UQCC2: variants seen among roughly 807,000 people sequenced by gnomAD.
UQCC2 encodes breast cancer-associated protein SGA-81M.
Under a neutral mutation model 19.9 loss-of-function variants are expected in UQCC2, and 21 were observed. The ratio of observed to expected loss-of-function variants is 1.05; its 90% confidence interval spans 0.75 to 1.52. The LOEUF is 1.52. Ranked by LOEUF, UQCC2 falls within the 40% of genes most tolerant of loss-of-function variation. The pLI is 0.00. For missense variants in UQCC2, 135 were observed against 157.5 expected, an observed-to-expected ratio of 0.86 and a Z score of 0.76; for synonymous variants, 57 against 60.9, an observed-to-expected ratio of 0.94 and a Z score of 0.30.
rs758420336 is a variant in UQCC2, at chr6:33,697,104, A to T, written c.*549T>A. ...CCCTGTCCCTTAAGCCAACTGGGCA[A>T]TGTGGGTTTTTGCAAGGTCAGGGAT... On this transcript the variant is annotated 3_prime_UTR_variant, in exon 4 of 4. Transcript: ENST00000607484. The T allele has an allele frequency of 6.6e-6, 1 of 152,560 alleles. No homozygotes were observed. Among genetic ancestry groups the T allele is most frequent in the Non-Finnish European group, 1.5e-5 (1 of 68,320 alleles). 9.5% of individuals were successfully genotyped at this position (152,560 alleles called of 1,614,324 possible).
chr6:33,697,858 A>T (rs556906986), intron 3 of UQCC2, 108 bp from the exon 4 acceptor site: 3 of 816,210 alleles, frequency 3.7e-6, no homozygotes, highest in Non-Finnish European at 3.9e-6. Flanking sequence ...CTTTTCACAC[A>T]GTGTGTTCCT....
At chr6:33,698,504 G>A (rs1467502289) in intron 3 of UQCC2, 1 of 152,170 alleles carries the variant, frequency 6.6e-6, no homozygotes, top group African/African-American at 2.4e-5. Context: ...TAACTCGCTT[G>A]GCACACAGCC....
chr6:33,701,136 C>A (rs1428204671), intron 2 of UQCC2, among the ~76,000 whole-genome samples: 1 of 152,180 alleles, frequency 6.6e-6, no homozygotes, highest in Admixed American at 6.5e-5. Context: ...GGTTTTGTTT[C>A]TTCCCTATAT....
chr6:33,705,736 C>G (rs1765691703), intron 1 of UQCC2, among the ~76,000 whole-genome samples: 1 of 152,172 alleles, frequency 6.6e-6, no homozygotes, highest in South Asian at 2.1e-4. Flanking sequence ...GACTCCAGCA[C>G]TAACATTCCT....
intron 3 of UQCC2, among the ~76,000 whole-genome samples, chr6:33,699,726 C>T (rs1422194964): frequency 2.0e-5 from 3 of 152,176 alleles, no homozygotes; most frequent in Non-Finnish European, 2.9e-5. Context: ...TTGCTGAAGG[C>T]TGCCAGAAGA....
Position 33,711,688 on chromosome 6 carries a change from T to A in UQCC2, c.-2A>T. On this transcript the variant is annotated 5_prime_UTR_variant, in exon 1 of 4. The change creates a new upstream start codon in the 5' untranslated region. Coordinates refer to ENST00000607484, the MANE Select transcript of UQCC2 (RefSeq NM_032340.4). The stretch of plus-strand genomic sequence containing the variant: ...ACGCCGGTACCGGCTGGCCGCCATC[T>A]TGGGCCCCGCGTGTTCCCGCCTTAG... 6.2e-7 allele frequency: 1 copy of A among 1,607,642 alleles called. No individual in the cohort carries two copies. Among genetic ancestry groups the A allele is most frequent in the Non-Finnish European group, 8.5e-7 (1 of 1,177,852 alleles).
intron 1 of UQCC2, among the ~76,000 whole-genome samples, chr6:33,703,064 G>A (rs1292584028): frequency 1.3e-5 from 2 of 152,244 alleles, no homozygotes; most frequent in Admixed American, 1.3e-4. Context: ...TGAGTGGACA[G>A]AATGAATGGA....
At chr6:33,702,108 G>A (rs181489216) in intron 1 of UQCC2, among the ~76,000 whole-genome samples, 40 of 152,258 alleles carry the variant, frequency 2.6e-4, no homozygotes, top group Non-Finnish European at 5.6e-4. Flanking sequence ...CTGGGTTCAA[G>A]CAATTCTCCA....
chr6:33,707,490 G>C (rs1308872991), intron 1 of UQCC2, among the ~76,000 whole-genome samples: 1 of 152,200 alleles, frequency 6.6e-6, no homozygotes, highest in Non-Finnish European at 1.5e-5. Flanking sequence ...CCTCTGAGAA[G>C]GTGGAAATAC....
chr6:33,705,175 G>A (rs1354220622), intron 1 of UQCC2, among the ~76,000 whole-genome samples: 1 of 152,054 alleles, frequency 6.6e-6, no homozygotes, highest in Non-Finnish European at 1.5e-5. Flanking sequence ...GGAACTATAG[G>A]CGCCCGCTAC....
At chr6:33,702,916 A>T (rs1765657250) in intron 1 of UQCC2, among the ~76,000 whole-genome samples, 1 of 152,178 alleles carries the variant, frequency 6.6e-6, no homozygotes, top group Non-Finnish European at 1.5e-5. Context: ...AAAAAAGACA[A>T]TCCATCATTT....
intron 3 of UQCC2, among the ~76,000 whole-genome samples, chr6:33,699,935 T>C (rs755610453): frequency 2.8e-4 from 42 of 152,222 alleles, no homozygotes; most frequent in Non-Finnish European, 7.3e-5. Context: ...AAGGACGGGC[T>C]TGGCAGGATG....
At chr6:33,710,934 G>T (rs1164613699) in intron 1 of UQCC2, among the ~76,000 whole-genome samples, 1 of 152,214 alleles carries the variant, frequency 6.6e-6, no homozygotes, top group African/African-American at 2.4e-5. Flanking sequence ...CAGGCTTACA[G>T]GGGCTCAGGA....
rs1419295762 is a variant in UQCC2, at chr6:33,711,548, C to G, written c.138+1G>C. ...GTCCCAGCCGCCTCCCCGCCGGTCA[C>G]CTGGGTATTCTCTCCCTCCCGAAAG... On this transcript the variant is annotated splice_donor_variant, in intron 1 of 3. Coordinates refer to ENST00000607484, the MANE Select transcript of UQCC2 (RefSeq NM_032340.4). LOFTEE classifies it high-confidence loss of function. The G allele has an allele frequency of 1.2e-6, 2 of 1,602,208 alleles. No homozygotes were observed. Among genetic ancestry groups the G allele is most frequent in the Non-Finnish European group, 1.7e-6 (2 of 1,175,342 alleles).
intron 1 of UQCC2, among the ~76,000 whole-genome samples, chr6:33,703,830 C>T (rs1450375000): frequency 6.6e-6 from 1 of 152,196 alleles, no homozygotes; most frequent in Non-Finnish European, 1.5e-5. Context: ...ACCGATACAA[C>T]ACTATTATCT....
intron 3 of UQCC2, 145 bp downstream of exon 3, chr6:33,700,299 G>A: frequency 1.2e-6 from 1 of 803,092 alleles, no homozygotes; most frequent in East Asian, 2.5e-5. Flanking sequence ...CAAAATGCAT[G>A]CGCCCTGTAG....
At chr6:33,703,474 T>C (rs906250154) in intron 1 of UQCC2, among the ~76,000 whole-genome samples, 1 of 152,148 alleles carries the variant, frequency 6.6e-6, no homozygotes, top group Admixed American at 6.5e-5. Flanking sequence ...CCCTATAGCA[T>C]GATTGGCCCA....
intron 1 of UQCC2, among the ~76,000 whole-genome samples, chr6:33,710,896 C>T (rs1765761168): frequency 6.6e-6 from 1 of 152,220 alleles, no homozygotes; most frequent in African/African-American, 2.4e-5. Flanking sequence ...CACACAGCTG[C>T]GTGAGCTGAG....
chr6:33,710,713 A>G (rs922588650), intron 1 of UQCC2, among the ~76,000 whole-genome samples: 1 of 152,226 alleles, frequency 6.6e-6, no homozygotes, highest in African/African-American at 2.4e-5. Context: ...TGTGTCCTGA[A>G]CTACAATGTA....
Sources: gnomAD v4.1 joint callset for allele counts (sites outside exome capture counted in the v4.1 genomes callset) on GRCh38, gnomAD v4.1.1 for gene constraint, MANE v1.5 for transcripts, NCBI Gene and HGNC (gene_info 2026-07-23, HGNC 2026-07-21) for gene names.